The following C4orf51 variants were observed in gnomAD, a reference collection of about 807,000 sequenced individuals.
C4orf51 encodes uncharacterized protein C4orf51.
In C4orf51, 25 loss-of-function variants were observed where a neutral mutation model predicts 25.2. The ratio of observed to expected loss-of-function variants is 0.99; its 90% confidence interval spans 0.72 to 1.39. C4orf51 has a LOEUF of 1.39. Ranked by LOEUF, C4orf51 falls within the 40% of genes most tolerant of loss-of-function variation. The pLI is 0.00. For synonymous variants in C4orf51, 100 were observed against 84.5 expected (o/e 1.18, Z -1.01); for missense variants, 252 against 239.6 (o/e 1.05, Z -0.34).
At chr4:145,789,117 T>G in the C4orf51 span, among the ~76,000 whole-genome samples, 37 of 152,346 alleles carry the variant, frequency 2.4e-4, no homozygotes, top group Admixed American at 2.1e-3. Context: ...ACCACAGCTT[T>G]CTTTCAATCA....
At chr4:145,788,725 A>G in the C4orf51 span, among the ~76,000 whole-genome samples, 1 of 152,248 alleles carries the variant, frequency 6.6e-6, no homozygotes, top group Non-Finnish European at 1.5e-5. Context: ...CCCATTACAC[A>G]GACCAGTGAC....
chr4:145,680,485 A>G (rs1435394787), intron 1 of C4orf51, 49 bp downstream of exon 1: 1 of 1,365,072 alleles, frequency 7.3e-7, no homozygotes. Flanking sequence ...ATAAATAGAC[A>G]AGAGTGCTCT....
At chr4:145,696,976 G>T (rs1391855371) in intron 2 of C4orf51, among the ~76,000 whole-genome samples, 1 of 152,056 alleles carries the variant, frequency 6.6e-6, no homozygotes, top group Non-Finnish European at 1.5e-5. Context: ...GGCAGAGGTT[G>T]CAGTGAGCCG....
chr4:145,724,856 C>G (rs1456751638), intron 2 of C4orf51, among the ~76,000 whole-genome samples: 36 of 129,888 alleles, frequency 2.8e-4, no homozygotes, highest in Non-Finnish European at 5.3e-4. Context: ...GCACTCCAGC[C>G]TGGGTGGCAG....
At chr4:145,709,390 G>A (rs1360708986) in intron 2 of C4orf51, among the ~76,000 whole-genome samples, 1 of 152,238 alleles carries the variant, frequency 6.6e-6, no homozygotes, top group Admixed American at 6.5e-5. Flanking sequence ...ATTAATGTCT[G>A]TCCCCACAAT....
intron 2 of C4orf51, among the ~76,000 whole-genome samples, chr4:145,699,286 G>T (rs1730276588): frequency 1.1e-5 from 1 of 93,962 alleles, no homozygotes; most frequent in Non-Finnish European, 2.1e-5. Flanking sequence ...TTGGTGCCGT[G>T]ACTTGGATCA....
At chr4:145,779,695 C>T in the C4orf51 span, among the ~76,000 whole-genome samples, 2 of 152,206 alleles carry the variant, frequency 1.3e-5, no homozygotes, top group African/African-American at 2.4e-5. Flanking sequence ...TTGAAAGCTG[C>T]GGTGGCAAGT....
downstream of C4orf51, chr4:145,757,650 TA>T (rs1734053811): frequency 6.6e-6 from 1 of 151,468 alleles, no homozygotes; most frequent in Admixed American, 6.6e-5. Flanking sequence ...TTTTTTTTTT[TA>T]ATTAGAGTAT....
Position 145,696,590 on chromosome 4 carries a change from C to G in C4orf51, c.265C>G (p.Leu89Val), listed in dbSNP as rs1730076898. 5 of 1,613,532 alleles carry G rather than the reference C, an allele frequency of 3.1e-6. No individual in the cohort carries two copies. The highest frequency in any genetic ancestry group is 4.2e-6 in the Non-Finnish European group (5 of 1,179,584). ...MSLTNSSACH[L>V]LCWAGTQETT... ...ATTGACAAACAGTTCTGCCTGTCATCTTCTCTGCTGGGCTGGTACCCAAGA... is the reference window on the plus strand; with the variant it reads ...ATTGACAAACAGTTCTGCCTGTCATGTTCTCTGCTGGGCTGGTACCCAAGA... The change falls in exon 2 of 6, where the codon CTT (leucine) becomes GTT (valine). Residue 89 changes from leucine to valine, a missense_variant. Leu to Val is a conservative substitution (Grantham distance 32). Transcript: ENST00000438731.
At chr4:145,745,729 G>A (rs557724910) in intron 1 of C4orf51, among the ~76,000 whole-genome samples, 1 of 152,230 alleles carries the variant, frequency 6.6e-6, no homozygotes, top group East Asian at 1.9e-4. Context: ...TTTCCTTTGG[G>A]TATATACCTA....
At chr4:145,781,392 G>A in the C4orf51 span, among the ~76,000 whole-genome samples, 5 of 152,160 alleles carry the variant, frequency 3.3e-5, no homozygotes, top group Admixed American at 2.0e-4. Context: ...TTGCCAGATA[G>A]GGAAGAAGAA....
At chr4:145,698,262 G>A (rs962831777) in intron 2 of C4orf51, among the ~76,000 whole-genome samples, 2 of 152,160 alleles carry the variant, frequency 1.3e-5, no homozygotes, top group Admixed American at 1.3e-4. Context: ...CCAAGGTGAA[G>A]GACACATCTG....
downstream of C4orf51, among the ~76,000 whole-genome samples, chr4:145,755,812 T>C (rs988289963): frequency 5.3e-5 from 8 of 152,208 alleles, no homozygotes; most frequent in Non-Finnish European, 8.8e-5. Context: ...AGCAAGAATA[T>C]TGGCTGGAGT....
intron 4 of C4orf51, among the ~76,000 whole-genome samples, chr4:145,729,518 G>A (rs560601793): frequency 2.4e-4 from 37 of 152,104 alleles, no homozygotes; most frequent in South Asian, 1.2e-3. Context: ...AGCCAGGATG[G>A]TCTCGATCTT....
intron 1 of C4orf51, among the ~76,000 whole-genome samples, chr4:145,740,105 A>G (rs1444528447): frequency 2.0e-5 from 3 of 152,278 alleles, no homozygotes; most frequent in East Asian, 3.9e-4. Context: ...GGAGTCAGGC[A>G]TTTCTTAGAG....
chr4:145,688,395 C>T (rs1729312723), intron 1 of C4orf51, among the ~76,000 whole-genome samples: 1 of 151,956 alleles, frequency 6.6e-6, no homozygotes, highest in Admixed American at 6.6e-5. Context: ...GCTTTGTGTC[C>T]CACCCAAATC....
In C4orf51 at chr4:145,729,916, A is replaced by T; in HGVS notation, c.452A>T (p.Gln151Leu). 1 of 1,613,972 alleles carries T rather than the reference A, an allele frequency of 6.2e-7. No individual in the cohort carries two copies. The highest frequency in any genetic ancestry group is 8.5e-7 in the Non-Finnish European group (1 of 1,179,850). ...GGTGTGAGACCTAAAAAGCCAGCAC[A>T]GGAGGCCCTGATAAACTACAGTCGA... ...KYCVRPKKPA[Q>L]EALINYSRRG... The change falls in exon 5 of 6, where the codon CAG becomes CTG. Residue 151 changes from glutamine (Q) to leucine (L), a missense_variant. Physicochemically the swap from Gln to Leu is moderately radical, Grantham distance 113. Transcript: ENST00000438731.
At chr4:145,775,403 G>A (rs1394790363), downstream of C4orf51, among the ~76,000 whole-genome samples, 2 of 151,988 alleles carry the variant, frequency 1.3e-5, no homozygotes, top group African/African-American at 4.8e-5. Flanking sequence ...GTTCTCTGGG[G>A]TTCTCAGATT....
At chr4:145,753,370 G>A (rs188764669) in intron 1 of C4orf51, among the ~76,000 whole-genome samples, 2 of 150,680 alleles carry the variant, frequency 1.3e-5, no homozygotes, top group African/African-American at 5.0e-5. Context: ...TATTATGTAT[G>A]TACCTATGCA....
Sources: gnomAD v4.1 joint callset for allele counts (sites outside exome capture counted in the v4.1 genomes callset) on GRCh38, gnomAD v4.1.1 for gene constraint, MANE v1.5 for transcripts, NCBI Gene and HGNC (gene_info 2026-07-23, HGNC 2026-07-21) for gene names.